FOXRED2: variants seen among roughly 807,000 people sequenced by gnomAD.
The protein encoded by FOXRED2 is FAD dependent oxidoreductase domain containing 2, also known as FAD-dependent oxidoreductase domain-containing protein 2.
In FOXRED2, 32 loss-of-function variants were observed where a neutral mutation model predicts 52.5. The observed-to-expected ratio is 0.61, with a 90% confidence interval of 0.46 to 0.82. FOXRED2 has a LOEUF of 0.82. Ranked by LOEUF, FOXRED2 falls within the 40% of genes least tolerant of loss-of-function variation. FOXRED2 has a pLI of 0.00. For missense variants in FOXRED2, 848 were observed against 937.5 expected, an observed-to-expected ratio of 0.90 and a Z score of 1.25; for synonymous variants, 405 against 398.1, an observed-to-expected ratio of 1.02 and a Z score of -0.21.
At chr22:36,503,467 G>A (rs907850957) in intron 4 of FOXRED2, among the ~76,000 whole-genome samples, 19 of 150,922 alleles carry the variant, frequency 1.3e-4, no homozygotes, top group Admixed American at 2.0e-4. Context: ...CCACCACCAC[G>A]CTTGGTTAAA....
At chr22:36,505,765 C>T (rs544737386) in intron 2 of FOXRED2, 131 bp downstream of exon 2, 21 of 1,000,234 alleles carry the variant, frequency 2.1e-5, no homozygotes, top group South Asian at 9.4e-5. Context: ...AGTGAGACTC[C>T]GTCTTAAAAA....
rs752132684 is a variant in FOXRED2 at position 36,498,141 on chromosome 22, C to T, written c.1232G>A (p.Arg411Gln). ...GCTGTGGTGGCGGTGCTCCAGGAGC[C>T]GGTGAACAGCACGCACTGGAACAGC... Reference protein sequence around the residue: ...GFRYTVRAVHRLLEHRHHSVT... With the variant: ...GFRYTVRAVHQLLEHRHHSVT... The change falls in exon 6 of 9, where the codon CGG (arginine) becomes CAG (glutamine). Residue 411 changes from arginine (R) to glutamine (Q), a missense_variant. Arg to Gln is a conservative substitution (Grantham distance 43). Coordinates refer to ENST00000397224, the MANE Select transcript of FOXRED2 (RefSeq NM_001102371.2). The T allele has an allele frequency of 3.0e-5, 49 of 1,611,134 alleles. No individual in the cohort carries two copies. Among genetic ancestry groups the T allele is most frequent in the African/African-American group, 5.3e-5 (4 of 74,884 alleles).
chr22:36,495,037 C>T (rs1386820605), intron 7 of FOXRED2, among the ~76,000 whole-genome samples: 7 of 151,788 alleles, frequency 4.6e-5, no homozygotes, highest in African/African-American at 9.7e-5. Context: ...CTCTGCCTCC[C>T]GGATCCCGGT....
At chr22:36,491,685 G>A (rs1042751437) in intron 8 of FOXRED2, among the ~76,000 whole-genome samples, 22 of 152,140 alleles carry the variant, frequency 1.4e-4, no homozygotes, top group African/African-American at 5.1e-4. Context: ...GATTACAGGC[G>A]TGATCCAGCA....
In FOXRED2 at chr22:36,487,586, A is replaced by G. The variant is rs1268877481; in HGVS notation, c.*2422T>C. On this transcript the variant is annotated 3_prime_UTR_variant, in exon 9 of 9. Transcript: ENST00000397224. The stretch of plus-strand genomic sequence containing the variant: ...AGAACAAAGAACAGGTGAGCTGAAC[A>G]TACTGATACATTGGTTCTTTGGAGA... The G allele has an allele frequency of 6.6e-6, 1 of 152,254 alleles. No homozygotes were observed. The highest frequency in any genetic ancestry group is 1.5e-5 in the Non-Finnish European group (1 of 68,042). The allele number at this position is 152,254 out of a possible 1,614,324, so 9.4% of individuals were successfully genotyped here. A position where few individuals can be genotyped will look rare whatever the true frequency, so the allele number is the denominator to read the frequency against.
intron 5 of FOXRED2, among the ~76,000 whole-genome samples, chr22:36,500,583 A>ATTTT (rs5845272): frequency 1.5e-5 from 2 of 136,754 alleles, no homozygotes; most frequent in Non-Finnish European, 3.1e-5. Flanking sequence ...ATCCAATTAC[A>ATTTT]TTTTTTTTTT....
chr22:36,503,467 G>C (rs907850957), intron 4 of FOXRED2, among the ~76,000 whole-genome samples: 1 of 150,922 alleles, frequency 6.6e-6, no homozygotes, highest in Non-Finnish European at 1.5e-5. Flanking sequence ...CCACCACCAC[G>C]CTTGGTTAAA....
At chr22:36,498,705 A>T (rs570875846) in intron 5 of FOXRED2, among the ~76,000 whole-genome samples, 4 of 152,128 alleles carry the variant, frequency 2.6e-5, no homozygotes, top group African/African-American at 7.2e-5. Flanking sequence ...TTCTTTTTTT[A>T]AATATTTTTT....
intron 7 of FOXRED2, among the ~76,000 whole-genome samples, chr22:36,495,667 C>T (rs1230920255): frequency 6.6e-6 from 1 of 152,242 alleles, no homozygotes; most frequent in African/African-American, 2.4e-5. Flanking sequence ...CCCCTCCCGC[C>T]CCACCACAGT....
In FOXRED2 at chr22:36,504,156, GC is replaced by G; in HGVS notation, c.990del (p.Tyr332MetfsTer4). The G allele has an allele frequency of 6.2e-7, 1 of 1,614,258 alleles. No homozygotes were observed. Among genetic ancestry groups the G allele is most frequent in the Non-Finnish European group, 8.5e-7 (1 of 1,180,048 alleles). On this transcript the variant is annotated frameshift_variant, in exon 4 of 9. Coordinates refer to ENST00000397224, the MANE Select transcript of FOXRED2 (RefSeq NM_001102371.2). LOFTEE classifies it high-confidence loss of function. ...AGGCAGCGGATTACCCGGTCATAGG[GC>G]ACGCGCATGGCAAAGTTGTCATTGT... ...QDDNDNFAMR[V>X]PYDRVIRCLG... is the part of the protein sequence containing the mutation.
intron 5 of FOXRED2, 114 bp from the exon 6 acceptor site, chr22:36,498,270 A>C: frequency 6.3e-6 from 8 of 1,271,018 alleles, no homozygotes; most frequent in Non-Finnish European, 8.6e-6. Context: ...ACTGGTCTCC[A>C]TGGCCCAGCG....
At position 36,504,144 on chromosome 22, in the gene FOXRED2, C is replaced by T; in HGVS notation, c.1003G>A (p.Val335Ile). 1 of 1,614,226 alleles carries T rather than the reference C, an allele frequency of 6.2e-7. No homozygotes were observed. The highest frequency in any genetic ancestry group is 8.5e-7 in the Non-Finnish European group (1 of 1,180,042). Reference sequence around the variant, plus strand: ...AAGTTCCAGCCCAGGCAGCGGATTACCCGGTCATAGGGCACGCGCATGGCA... The same window carrying T: ...AAGTTCCAGCCCAGGCAGCGGATTATCCGGTCATAGGGCACGCGCATGGCA... ...NFAMRVPYDR[V>I]IRCLGWNFDF... The change falls in exon 4 of 9, where the codon GTA becomes ATA. Residue 335 changes from valine (V) to isoleucine (I), a missense_variant. Transcript: ENST00000397224.
chr22:36,506,394 C>G lies in FOXRED2; in HGVS notation c.29G>C (p.Trp10Ser). The G allele has an allele frequency of 7.0e-7, 1 of 1,438,468 alleles. No individual in the cohort carries two copies. The highest frequency in any genetic ancestry group is 9.1e-7 in the Non-Finnish European group (1 of 1,101,430). The allele number at this position is 1,438,468 out of a possible 1,614,324, so 89.1% of individuals were successfully genotyped here. A position where few individuals can be genotyped will look rare whatever the true frequency, so the allele number is the denominator to read the frequency against. The change falls in exon 2 of 9, where the codon TGG becomes TCG. Residue 10 changes from tryptophan (W) to serine (S), a missense_variant. Trp to Ser is a radical substitution (Grantham distance 177). Transcript: ENST00000397224. Reference sequence around the variant, plus strand: ...GGCCAGGAGCAGCCCCGGGGGACCCCACAACGGGGCCGCAGCGGAGAGGCC... The same window carrying G: ...GGCCAGGAGCAGCCCCGGGGGACCCGACAACGGGGCCGCAGCGGAGAGGCC... MGLSAAAPL[W>S]GPPGLLLAIA...
In FOXRED2 at chr22:36,493,750, T is replaced by C. The variant is rs1438088599; in HGVS notation, c.1678A>G (p.Ile560Val). The C allele has an allele frequency of 1.9e-6, 3 of 1,614,248 alleles. No individual in the cohort carries two copies. Among genetic ancestry groups the C allele is most frequent in the Non-Finnish European group, 8.5e-7 (1 of 1,180,036 alleles). The change falls in exon 8 of 9, where the codon ATC becomes GTC. Residue 560 changes from isoleucine to valine, a missense_variant. Physicochemically the swap from Ile to Val is conservative, Grantham distance 29. Coordinates refer to ENST00000397224, the MANE Select transcript of FOXRED2 (RefSeq NM_001102371.2). Reference sequence around the variant, plus strand: ...AAGAAGTCTTCCACGATGTGATGGATGGCCGTGGGCCGAGGCAGGGGCCAG... The same window carrying C: ...AAGAAGTCTTCCACGATGTGATGGACGGCCGTGGGCCGAGGCAGGGGCCAG... ...AHWPLPRPTA[I>V]HHIVEDFLTD...
chr22:36,501,729 G>A (rs1468152457), intron 4 of FOXRED2, among the ~76,000 whole-genome samples: 1 of 152,082 alleles, frequency 6.6e-6, no homozygotes, highest in African/African-American at 2.4e-5. Flanking sequence ...CCAAAGTGCT[G>A]GGATTACAAG....
chr22:36,492,797 C>T (rs1365704764), intron 8 of FOXRED2, among the ~76,000 whole-genome samples: 2 of 152,192 alleles, frequency 1.3e-5, no homozygotes, highest in African/African-American at 2.4e-5. Context: ...AGATTACAGG[C>T]GTGAGCCACT....
rs75408836 is a variant in FOXRED2 at position 36,505,263 on chromosome 22, T to C, written c.528-497A>G. Among the ~76,000 whole-genome samples the C allele has an allele frequency of 4.5e-3, 691 of 152,344 alleles. 11 individuals are homozygous for C. Among genetic ancestry groups the C allele is most frequent in the African/African-American group, 0.016 (663 of 41,580 alleles). ...CTCCAAGCAACCTGGAGGTGGTATG[T>C]GGCCTGCTTTACAGGTGAGGAGGCA... On this transcript the variant is annotated intron_variant, in intron 2 of 8. Transcript: ENST00000397224.
chr22:36,491,487 C>G (rs1031388722), intron 8 of FOXRED2, among the ~76,000 whole-genome samples: 1 of 152,108 alleles, frequency 6.6e-6, no homozygotes, highest in African/African-American at 2.4e-5. Context: ...ACTACAACCT[C>G]TGCCTTCTGG....
Position 36,504,298 on chromosome 22 carries a change from C to T in FOXRED2, c.849G>A (p.Leu283=). The T allele has an allele frequency of 1.2e-6, 2 of 1,614,150 alleles. No individual in the cohort carries two copies. Among genetic ancestry groups the T allele is most frequent in the Non-Finnish European group, 1.7e-6 (2 of 1,180,012 alleles). Residue 283 remains leucine (L), a synonymous_variant, in exon 4 of 9, where the codon CTG becomes CTA. Transcript: ENST00000397224. ...TGTCCTTCAGGATGGCCAGATCCGT[C>T]AGGTCAGACTCGAGCAGCCCGTCCA... ...KSLDGLLESD[L]TDLAILKDSK... is the part of the protein sequence containing the mutation.
Sources: gnomAD v4.1 joint callset for allele counts (sites outside exome capture counted in the v4.1 genomes callset) on GRCh38, gnomAD v4.1.1 for gene constraint, MANE v1.5 for transcripts, NCBI Gene and HGNC (gene_info 2026-07-23, HGNC 2026-07-21) for gene names.